The following EYS variants were observed in gnomAD, a reference collection of about 807,000 sequenced individuals.
EYS encodes protein eyes shut homolog.
EYS carries 250 observed loss-of-function variants against 282.1 expected under a neutral mutation model. That is an observed-to-expected ratio of 0.89 (90% confidence interval 0.80 to 0.98). EYS has a LOEUF of 0.98. Among genes scored for constraint, EYS ranks in the 50% least tolerant of loss-of-function variants. The pLI is 0.00. For missense variants in EYS, 4,016 were observed against 3,709.0 expected (o/e 1.08, Z -2.15); for synonymous variants, 1,355 against 1,282.9 (o/e 1.06, Z -1.20).
chr6:64,031,349 C>T (rs951704873), intron 33 of EYS, among the ~76,000 whole-genome samples: 1 of 152,226 alleles, frequency 6.6e-6, no homozygotes, highest in Non-Finnish European at 1.5e-5. Context: ...AGCTGCCTTC[C>T]CATGGGGCAG....
rs145965438 is a variant in EYS at position 64,696,780 on chromosome 6, C to T, written c.3444-70535G>A. Among the ~76,000 whole-genome samples, 1,239 of 152,128 alleles carry T rather than the reference C, an allele frequency of 8.1e-3. 25 individuals carry two copies. The highest frequency in any genetic ancestry group is 0.028 in the African/African-American group (1,163 of 41,512). ...AAAAAAGAAGAAATAATGTGTTGGG[C>T]GACAAGCAAATGCTAAGGAAATTTG... On this transcript the variant is annotated intron_variant, in intron 22 of 42. Coordinates refer to ENST00000503581, the MANE Select transcript of EYS (RefSeq NM_001142800.2).
chr6:65,318,799 G>A (rs1460064514), intron 11 of EYS, among the ~76,000 whole-genome samples: 22 of 150,046 alleles, frequency 1.5e-4, no homozygotes, highest in Non-Finnish European at 4.4e-5. Context: ...GTGCCACCAT[G>A]CCTGGCTATT....
In EYS at chr6:64,331,638, T is replaced by C. The variant is rs542596863; in HGVS notation, c.6079-24556A>G. On this transcript the variant is annotated intron_variant, in intron 29 of 42. Transcript: ENST00000503581. ...CATAAAAGTTTCATCAAGGAATGCATATGGGAAAAACTGCATTAGAGACTC... is the reference window on the plus strand; with the variant it reads ...CATAAAAGTTTCATCAAGGAATGCACATGGGAAAAACTGCATTAGAGACTC... Among the ~76,000 whole-genome samples the C allele has an allele frequency of 4.9e-5, 7 of 142,674 alleles. No homozygotes were observed. In the South Asian group the frequency reaches 1.3e-3, roughly 27 times the overall value. The allele number at this position is 142,674 out of a possible 152,430, so 93.6% of individuals were successfully genotyped here. A position where few individuals can be genotyped will look rare whatever the true frequency, so the allele number is the denominator to read the frequency against.
At chr6:65,213,336 G>C (rs1013888746) in intron 12 of EYS, among the ~76,000 whole-genome samples, 1 of 152,102 alleles carries the variant, frequency 6.6e-6, no homozygotes, top group African/African-American at 2.4e-5. Flanking sequence ...TTAAAATTTT[G>C]AGAAAAACGT....
chr6:65,467,001 C>G (rs1447455887), intron 5 of EYS, among the ~76,000 whole-genome samples: 1 of 152,146 alleles, frequency 6.6e-6, no homozygotes, highest in Admixed American at 6.6e-5. Context: ...TAGGCAGGCT[C>G]TAAATATTAG....
chr6:64,407,087 G>T lies in EYS; in HGVS notation c.5928-18247C>A, dbSNP rs189596576. Among the ~76,000 whole-genome samples, 184 of 152,238 alleles carry T rather than the reference G, an allele frequency of 1.2e-3. 1 individual carries two copies. The highest frequency in any genetic ancestry group is 3.4e-3 in the Middle Eastern group (1 of 294). ...TGATGGAATGGATAAAGAAAATGTG[G>T]CACATATACACCATGGAATACTATG... On this transcript the variant is annotated intron_variant, in intron 28 of 42. Coordinates refer to ENST00000503581, the MANE Select transcript of EYS (RefSeq NM_001142800.2).
intron 35 of EYS, among the ~76,000 whole-genome samples, chr6:63,898,802 G>A (rs56301495): frequency 0.89 from 135,509 of 151,776 alleles, 60,997 homozygotes; most frequent in Non-Finnish European, 0.95. Flanking sequence ...AGAAAAGAAT[G>A]TAAGATTAAA....
At chr6:64,188,670 A>T (rs1237348865) in intron 31 of EYS, among the ~76,000 whole-genome samples, 1 of 152,080 alleles carries the variant, frequency 6.6e-6, no homozygotes, top group Non-Finnish European at 1.5e-5. Flanking sequence ...TATCCTGCGA[A>T]CTCTTAAAGA....
chr6:64,265,950 T>A (rs1767743467), intron 30 of EYS, among the ~76,000 whole-genome samples: 1 of 152,142 alleles, frequency 6.6e-6, no homozygotes, highest in African/African-American at 2.4e-5. Context: ...GTTGTTTTAA[T>A]CATTCAGTCC....
chr6:65,615,728 A>C (rs1356241878), intron 2 of EYS, among the ~76,000 whole-genome samples: 1 of 151,898 alleles, frequency 6.6e-6, no homozygotes, highest in African/African-American at 2.4e-5. Flanking sequence ...AGGTCAGGAG[A>C]TCAAAGTCAA....
At chr6:64,424,684 A>C (rs1471714318) in intron 28 of EYS, among the ~76,000 whole-genome samples, 1 of 152,152 alleles carries the variant, frequency 6.6e-6, no homozygotes, top group Non-Finnish European at 1.5e-5. Flanking sequence ...CCTGCCTTTC[A>C]TTCATTATTT....
At position 64,085,861 on chromosome 6, in the gene EYS, T is replaced by G. The variant is rs530955712; in HGVS notation, c.6425-3859A>C. Among the ~76,000 whole-genome samples, 3 of 152,300 alleles carry G rather than the reference T, an allele frequency of 2.0e-5. No individual in the cohort carries two copies. In the East Asian group the frequency reaches 5.8e-4, roughly 29 times the overall value. On this transcript the variant is annotated intron_variant, in intron 31 of 42. Transcript: ENST00000503581. Reference sequence around the variant, plus strand: ...TTACCTACCTGGTTCTGCATTTTATTGAATCTGTTTTTTCAAAGGTTATTA... The same window carrying G: ...TTACCTACCTGGTTCTGCATTTTATGGAATCTGTTTTTTCAAAGGTTATTA...
chr6:64,160,701 G>A (rs187256382), intron 31 of EYS, among the ~76,000 whole-genome samples: 13 of 152,272 alleles, frequency 8.5e-5, no homozygotes, highest in African/African-American at 2.4e-4. Context: ...GCCATGGGAC[G>A]TTGAAGAATG....
chr6:63,914,733 A>AAAT (rs796463777), intron 35 of EYS, among the ~76,000 whole-genome samples: 1 of 148,824 alleles, frequency 6.7e-6, no homozygotes, highest in Non-Finnish European at 1.5e-5. Context: ...AAAAAAAAAA[A>AAAT]GCAAAACAAC....
chr6:64,363,563 C>T (rs1772090723), intron 29 of EYS, among the ~76,000 whole-genome samples: 2 of 128,674 alleles, frequency 1.6e-5, no homozygotes, highest in East Asian at 2.1e-4. Flanking sequence ...CAGATTCTGC[C>T]GCTTAGAGCT....
At chr6:64,425,159 C>T (rs149599661) in intron 28 of EYS, among the ~76,000 whole-genome samples, 2,266 of 152,264 alleles carry the variant, frequency 0.015, 16 homozygotes, top group East Asian at 0.032. Context: ...TCGAGGAACA[C>T]AGGCAGGAAC....
intron 26 of EYS, among the ~76,000 whole-genome samples, chr6:64,463,669 A>T (rs78993062): frequency 0.01 from 1,565 of 152,336 alleles, 28 homozygotes; most frequent in African/African-American, 0.035. Flanking sequence ...GCTTCACTCT[A>T]TAAGCATGTC....
chr6:64,733,926 G>C (rs145443786), intron 22 of EYS: 18 of 155,642 alleles, frequency 1.2e-4, no homozygotes, highest in African/African-American at 4.4e-4. Context: ...GTCCCATGGC[G>C]GTGGGAGCAA....
intron 22 of EYS, among the ~76,000 whole-genome samples, chr6:64,730,445 TATCTTGGAGAAGA>T (rs1413632436): frequency 6.6e-6 from 1 of 152,152 alleles, no homozygotes; most frequent in Non-Finnish European, 1.5e-5. Context: ...CATGACTGAA[TATCTTGGAGAAGA>T]GCACAAACAA....
Sources: gnomAD v4.1 joint callset for allele counts (sites outside exome capture counted in the v4.1 genomes callset) on GRCh38, gnomAD v4.1.1 for gene constraint, MANE v1.5 for transcripts, NCBI Gene and HGNC (gene_info 2026-07-23, HGNC 2026-07-21) for gene names.